The following EBAG9 variants were observed in gnomAD, a reference collection of about 807,000 sequenced individuals.
The protein encoded by EBAG9 is estrogen receptor binding site associated antigen 9, also known as receptor-binding cancer antigen expressed on SiSo cells.
A neutral mutation model predicts 30.9 loss-of-function variants in EBAG9; 16 were observed. The observed-to-expected ratio is 0.52, with a 90% CI of 0.35 to 0.79. The LOEUF (loss-of-function observed/expected upper bound fraction) is 0.79, where lower values mean the gene tolerates loss of function less well. EBAG9 is among the 30% of genes least tolerant of loss of function. The probability of loss-of-function intolerance (pLI) is 0.01; values close to 1 mark genes in which losing one functional copy is unlikely to be tolerated. For missense variants in EBAG9, 197 were observed against 242.1 expected (o/e 0.81, Z 1.24); for synonymous variants, 93 against 82.8 (o/e 1.12, Z -0.67).
intron 1 of EBAG9, among the ~76,000 whole-genome samples, chr8:109,542,579 T>C (rs1202491149): frequency 6.6e-6 from 1 of 152,212 alleles, no homozygotes; most frequent in East Asian, 1.9e-4. Flanking sequence ...TCTGGCTCTT[T>C]TTTCTTATAA....
chr8:109,556,410 A>C (rs1024653583), intron 4 of EBAG9, among the ~76,000 whole-genome samples: 2 of 152,222 alleles, frequency 1.3e-5, no homozygotes, highest in Non-Finnish European at 2.9e-5. Context: ...TTCTTAATAG[A>C]TGAATACCTT....
At chr8:109,545,510 A>T (rs1446149385) in intron 1 of EBAG9, among the ~76,000 whole-genome samples, 3 of 151,418 alleles carry the variant, frequency 2.0e-5, no homozygotes, top group Non-Finnish European at 4.4e-5. Flanking sequence ...AACTACAGGC[A>T]TGTGCCACCG....
chr8:109,561,254 A>G (rs1312224577), intron 6 of EBAG9, among the ~76,000 whole-genome samples: 3 of 151,412 alleles, frequency 2.0e-5, no homozygotes, highest in African/African-American at 2.4e-5. Flanking sequence ...TATACATACC[A>G]TATTACAAGC....
intron 1 of EBAG9, among the ~76,000 whole-genome samples, chr8:109,549,271 C>T (rs1321020421): frequency 6.6e-6 from 1 of 151,826 alleles, no homozygotes; most frequent in Non-Finnish European, 1.5e-5. Flanking sequence ...AATGTAGTAT[C>T]CATTTATATA....
rs777240698 is a variant in EBAG9, at chr8:109,554,720, T to G, written c.163-9T>G. The G allele has an allele frequency of 5.6e-6, 9 of 1,609,676 alleles. No individual in the cohort carries two copies. The South Asian group carries it at 9.9e-5, about 18-fold the overall frequency. On this transcript the variant is annotated splice_polypyrimidine_tract_variant and intron_variant, in intron 3 of 6. Transcript: ENST00000337573. ...TTTGTGGCTGATAATGTTGATCAATTAAATTTAGACAGATGTTGAAGAGTG... is the reference window on the plus strand; with the variant it reads ...TTTGTGGCTGATAATGTTGATCAATGAAATTTAGACAGATGTTGAAGAGTG...
chr8:109,550,641 CT>C, intron 1 of EBAG9, 168 bp from the exon 2 acceptor site: 1 of 488,098 alleles, frequency 2.0e-6, no homozygotes, highest in Non-Finnish European at 3.6e-6. Flanking sequence ...TGGTTTTTGA[CT>C]TGTTAATATG....
intron 2 of EBAG9, among the ~76,000 whole-genome samples, chr8:109,553,603 T>G (rs1821536703): frequency 6.6e-6 from 1 of 152,188 alleles, no homozygotes; most frequent in South Asian, 2.1e-4. Context: ...TGACTTTATA[T>G]TCCTCTTGAG....
At chr8:109,550,445 A>G (rs1386540991) in intron 1 of EBAG9, 1 of 156,406 alleles carries the variant, frequency 6.4e-6, no homozygotes, top group Non-Finnish European at 1.4e-5. Flanking sequence ...TATTTAAAGT[A>G]TTTTAAATAG....
Position 109,554,769 on chromosome 8 carries a change from C to A in EBAG9, c.203C>A (p.Pro68His). 6.2e-7 allele frequency: 1 copy of A among 1,613,468 alleles called. No individual in the cohort carries two copies. The highest frequency in any genetic ancestry group is 8.5e-7 in the Non-Finnish European group (1 of 1,179,672). Residue 68 changes from proline to histidine, a missense_variant, in exon 4 of 7, where the codon CCC becomes CAC. Coordinates refer to ENST00000337573, the MANE Select transcript of EBAG9 (RefSeq NM_004215.5). Reference protein sequence around the residue: ...EEWTSWDEDAPTSVKIEGGNG... With the variant: ...EEWTSWDEDAHTSVKIEGGNG... ...TGGACTTCCTGGGATGAAGATGCACCCACCAGTGTAAAGATCGAAGGAGGG... is the reference window on the plus strand; with the variant it reads ...TGGACTTCCTGGGATGAAGATGCACACACCAGTGTAAAGATCGAAGGAGGG...
At chr8:109,550,755 A>G (rs1480282405) in intron 1 of EBAG9, 55 bp from the exon 2 acceptor site, 3 of 993,914 alleles carry the variant, frequency 3.0e-6, no homozygotes, top group Admixed American at 3.9e-5. Flanking sequence ...TCAGGACAGG[A>G]GTATGACTTT....
At position 109,564,547 on chromosome 8, in the gene EBAG9, G is replaced by A. The variant is rs1475465452; in HGVS notation, c.630G>A (p.Val210=). Residue 210 remains valine (V), a synonymous_variant, in exon 7 of 7, where the codon GTG becomes GTA. Transcript: ENST00000337573. ...LMKKEQNKIG[V]KLS ...AGAAGGAACAAAACAAAATTGGTGT[G>A]AAACTTTCATAACACATGTTCAAAT... 5 of 1,611,632 alleles carry A rather than the reference G, an allele frequency of 3.1e-6. No individual in the cohort carries two copies. In the Admixed American group the frequency reaches 8.4e-5, roughly 27 times the overall value.
chr8:109,562,836 A>G lies in EBAG9; in HGVS notation c.522-1603A>G, dbSNP rs151025869. Reference sequence around the variant, plus strand: ...AAAATCTAAAATCTGAAATGCTCCAATGAGAATTTCCTTTGAGCATCAGGT... The same window carrying G: ...AAAATCTAAAATCTGAAATGCTCCAGTGAGAATTTCCTTTGAGCATCAGGT... On this transcript the variant is annotated intron_variant, in intron 6 of 6. Coordinates refer to ENST00000337573, the MANE Select transcript of EBAG9 (RefSeq NM_004215.5). Among the ~76,000 whole-genome samples the G allele has an allele frequency of 5.2e-3, 790 of 152,076 alleles. 11 individuals carry two copies. The highest frequency in any genetic ancestry group is 0.017 in the African/African-American group (713 of 41,480).
At chr8:109,544,094 T>G (rs1821336031) in intron 1 of EBAG9, among the ~76,000 whole-genome samples, 2 of 152,062 alleles carry the variant, frequency 1.3e-5, no homozygotes, top group South Asian at 4.2e-4. Context: ...TCCAGGATGA[T>G]TTTACTCCTT....
chr8:109,547,803 G>A (rs936503373), intron 1 of EBAG9, among the ~76,000 whole-genome samples: 7 of 152,060 alleles, frequency 4.6e-5, no homozygotes, highest in African/African-American at 1.7e-4. Context: ...TTGATGAAAT[G>A]TCTAGTTAGA....
chr8:109,551,731 G>A (rs1159272614), intron 2 of EBAG9, among the ~76,000 whole-genome samples: 2 of 152,036 alleles, frequency 1.3e-5, no homozygotes, highest in African/African-American at 2.4e-5. Flanking sequence ...AATTAAAAGC[G>A]AGTACTGCAC....
chr8:109,547,564 T>C (rs1489535637), intron 1 of EBAG9, among the ~76,000 whole-genome samples: 1 of 151,976 alleles, frequency 6.6e-6, no homozygotes, highest in Non-Finnish European at 1.5e-5. Flanking sequence ...TACTTCAAGC[T>C]CTGCCTTTCA....
At chr8:109,548,730 AT>A (rs1389924481) in intron 1 of EBAG9, among the ~76,000 whole-genome samples, 2 of 151,974 alleles carry the variant, frequency 1.3e-5, no homozygotes, top group African/African-American at 2.4e-5. Context: ...GCCTATATAA[AT>A]TTTTTTAACG....
Position 109,554,752 on chromosome 8 carries a change from C to T in EBAG9, c.186C>T (p.Ser62=). 6.2e-7 allele frequency: 1 copy of T among 1,613,156 alleles called. No homozygotes were observed. The highest frequency in any genetic ancestry group is 8.5e-7 in the Non-Finnish European group (1 of 1,179,506). ...PKQTDVEEWT[S]WDEDAPTSVK... ...AGACAGATGTTGAAGAGTGGACTTC[C>T]TGGGATGAAGATGCACCCACCAGTG... The change falls in exon 4 of 7, where the codon TCC becomes TCT. Residue 62 remains serine, a synonymous_variant. Transcript: ENST00000337573.
chr8:109,542,934 G>C (rs1438149237), intron 1 of EBAG9, among the ~76,000 whole-genome samples: 1 of 152,044 alleles, frequency 6.6e-6, no homozygotes, highest in Non-Finnish European at 1.5e-5. Flanking sequence ...AAAGGCTTAT[G>C]CTAGATAGAT....
Sources: gnomAD v4.1 joint callset for allele counts (sites outside exome capture counted in the v4.1 genomes callset) on GRCh38, gnomAD v4.1.1 for gene constraint, MANE v1.5 for transcripts, NCBI Gene and HGNC (gene_info 2026-07-23, HGNC 2026-07-21) for gene names.